Variants in MAGED1 observed in about 807,000 individuals in gnomAD.
MAGED1 encodes the protein MAGE family member D1.
A neutral mutation model predicts 54.1 loss-of-function variants in MAGED1; 3 were observed. The observed-to-expected ratio is 0.06, with a 90% CI of 0.03 to 0.14. MAGED1 has a LOEUF of 0.14. Among genes scored for constraint, MAGED1 ranks in the 10% least tolerant of loss-of-function variants. The pLI, the probability that MAGED1 is intolerant of heterozygous loss-of-function variation, is 1.00. For synonymous variants in MAGED1, 217 were observed against 227.3 expected (o/e 0.95, Z 0.41); for missense variants, 485 against 623.4 (o/e 0.78, Z 2.36).
intron 1 of MAGED1, among the ~76,000 whole-genome samples, chrX:51,837,210 G>C (rs1926285352): frequency 8.9e-6 from 1 of 111,820 alleles, no homozygotes; most frequent in Non-Finnish European, 1.9e-5. Flanking sequence ...CAACAAGTTG[G>C]GTAAATGGTC....
At chrX:51,841,305 G>A (rs1557358542) in intron 1 of MAGED1, among the ~76,000 whole-genome samples, 1 of 110,408 alleles carries the variant, frequency 9.1e-6, no homozygotes, top group Non-Finnish European at 1.9e-5. Context: ...TTGTAAATTT[G>A]TTTGAGTTCA....
chrX:51,836,721 C>T (rs188968662), intron 1 of MAGED1, among the ~76,000 whole-genome samples: 1 of 109,931 alleles, frequency 9.1e-6, no homozygotes, highest in African/African-American at 3.3e-5. Context: ...CAGGCATGCA[C>T]CACCTACGCC....
chrX:51,810,945 AAATG>A (rs1925197479), intron 1 of MAGED1, among the ~76,000 whole-genome samples: 5 of 112,038 alleles, frequency 4.5e-5, no homozygotes, highest in Non-Finnish European at 9.4e-5. Flanking sequence ...TGAAGATGTA[AAATG>A]TTGTATGTAT....
chrX:51,841,510 C>T (rs1926485049), intron 1 of MAGED1, among the ~76,000 whole-genome samples: 1 of 111,232 alleles, frequency 9.0e-6, no homozygotes, highest in Non-Finnish European at 1.9e-5. Flanking sequence ...AGTCCTTGCC[C>T]ATGCCTATGT....
intron 1 of MAGED1, 50 bp downstream of exon 1, chrX:51,893,805 A>G (rs1928560504): frequency 9.2e-6 from 1 of 109,137 alleles, no homozygotes. Context: ...GCGGGCCCCC[A>G]TTTTTTTTTA....
intron 1 of MAGED1, among the ~76,000 whole-genome samples, chrX:51,885,074 C>T (rs1928194115): frequency 8.9e-6 from 1 of 111,787 alleles, no homozygotes; most frequent in African/African-American, 3.3e-5. Flanking sequence ...TTGCACTCAC[C>T]ACTGCTATCA....
intron 1 of MAGED1, among the ~76,000 whole-genome samples, chrX:51,870,060 A>T (rs1311622244): frequency 9.0e-6 from 1 of 110,795 alleles, no homozygotes; most frequent in Non-Finnish European, 1.9e-5. Flanking sequence ...TAGACACTTT[A>T]TCTCAGTGTA....
chrX:51,845,821 G>T (rs1926668175), intron 1 of MAGED1, among the ~76,000 whole-genome samples: 1 of 111,506 alleles, frequency 9.0e-6, no homozygotes, highest in Admixed American at 9.5e-5. Flanking sequence ...TGTCACCCAG[G>T]CTGGAGTGCA....
At chrX:51,900,475 A>G (rs1928965217) in intron 11 of MAGED1, among the ~76,000 whole-genome samples, 179 bp downstream of exon 11, 1 of 111,299 alleles carries the variant, frequency 9.0e-6, no homozygotes, top group Non-Finnish European at 1.9e-5. Flanking sequence ...ATATGTTAAT[A>G]TATTAGCTAA....
At chrX:51,874,901 G>A (rs1015249036) in intron 1 of MAGED1, among the ~76,000 whole-genome samples, 1 of 109,508 alleles carries the variant, frequency 9.1e-6, no homozygotes, top group East Asian at 2.9e-4. Flanking sequence ...TTTTCTTTTG[G>A]TGCTAGATAT....
chrX:51,838,251 A>G (rs1052017613), intron 1 of MAGED1, among the ~76,000 whole-genome samples: 1 of 112,702 alleles, frequency 8.9e-6, no homozygotes, highest in Admixed American at 9.4e-5. Context: ...AAGAATCAAT[A>G]AAATACAAAT....
chrX:51,837,287 T>G (rs1302196869), intron 1 of MAGED1, among the ~76,000 whole-genome samples: 1 of 112,250 alleles, frequency 8.9e-6, no homozygotes, highest in Non-Finnish European at 1.9e-5. Context: ...AAGATTCTCA[T>G]AAGTTTTTTA....
chrX:51,833,254 G>GTT (rs1194587563), intron 1 of MAGED1, among the ~76,000 whole-genome samples: 13 of 103,497 alleles, frequency 1.3e-4, no homozygotes, highest in African/African-American at 4.5e-4. Context: ...ACTTTATTTA[G>GTT]TTTTTTTTTT....
At chrX:51,865,340 T>C (rs1162520639) in intron 1 of MAGED1, among the ~76,000 whole-genome samples, 1 of 112,173 alleles carries the variant, frequency 8.9e-6, no homozygotes, top group African/African-American at 3.2e-5. Context: ...TAATGCTGGC[T>C]ATGTAATAAG....
chrX:51,890,862 T>C (rs1038530026), upstream of MAGED1, among the ~76,000 whole-genome samples: 1 of 107,094 alleles, frequency 9.3e-6, no homozygotes, highest in East Asian at 2.9e-4. Flanking sequence ...AAAAGTCTTG[T>C]AGAGTATGTC....
intron 1 of MAGED1, among the ~76,000 whole-genome samples, chrX:51,833,678 G>C (rs1242685643): frequency 1.8e-5 from 2 of 111,952 alleles, no homozygotes; most frequent in Non-Finnish European, 3.8e-5. Context: ...TTTGATTTGA[G>C]ACTTTACCAT....
chrX:51,876,854 T>C (rs1390023143), intron 1 of MAGED1, among the ~76,000 whole-genome samples: 1 of 111,392 alleles, frequency 9.0e-6, no homozygotes, highest in African/African-American at 3.3e-5. Context: ...AATAACCTGC[T>C]AAATTTATAT....
At chrX:51,821,670 G>A (rs1925640280) in intron 1 of MAGED1, among the ~76,000 whole-genome samples, 1 of 111,987 alleles carries the variant, frequency 8.9e-6, no homozygotes, top group African/African-American at 3.2e-5. Context: ...GATTACAGGC[G>A]TGAGCCACTG....
At chrX:51,879,110 G>A (rs1329999688) in intron 1 of MAGED1, among the ~76,000 whole-genome samples, 1 of 111,101 alleles carries the variant, frequency 9.0e-6, no homozygotes, top group Non-Finnish European at 1.9e-5. Context: ...TATTTCTCTT[G>A]TTAATTGCAT....
Sources: gnomAD v4.1 joint callset for allele counts (sites outside exome capture counted in the v4.1 genomes callset) on GRCh38, gnomAD v4.1.1 for gene constraint, MANE v1.5 for transcripts, NCBI Gene and HGNC (gene_info 2026-07-23, HGNC 2026-07-21) for gene names.